Variants in CGAS observed in about 807,000 individuals in gnomAD.
The protein encoded by CGAS is 2'3'-cGAMP synthase.
CGAS carries 31 observed loss-of-function variants against 34.0 expected under a neutral mutation model. The ratio of observed to expected loss-of-function variants is 0.91; its 90% CI spans 0.69 to 1.23. CGAS has a LOEUF of 1.23. CGAS is among the 50% of genes most tolerant of loss of function. The probability of loss-of-function intolerance (pLI) is 0.00; values close to 1 mark genes in which losing one functional copy is unlikely to be tolerated. For synonymous variants in CGAS, 266 were observed against 260.0 expected, an observed-to-expected ratio of 1.02 and a Z score of -0.22; for missense variants, 597 against 657.6, an observed-to-expected ratio of 0.91 and a Z score of 1.01.
At chr6:73,430,751 T>C (rs555110336) in intron 3 of CGAS, among the ~76,000 whole-genome samples, 2 of 152,246 alleles carry the variant, frequency 1.3e-5, no homozygotes, top group South Asian at 2.1e-4. Flanking sequence ...TATTTTGATA[T>C]ATGGTAATAA....
At chr6:73,443,592 TC>T (rs923162613) in intron 2 of CGAS, among the ~76,000 whole-genome samples, 4 of 151,828 alleles carry the variant, frequency 2.6e-5, no homozygotes, top group Non-Finnish European at 2.9e-5. Flanking sequence ...CATTGCAACT[TC>T]CCCCCCACCT....
rs1770063243 is a variant in CGAS, at chr6:73,425,143, G to A, written c.*84C>T. The A allele has an allele frequency of 1.1e-5, 11 of 1,017,310 alleles. No homozygotes were observed. The East Asian group carries it at 2.9e-4, about 27-fold the overall frequency. The allele number at this position is 1,017,310 out of a possible 1,614,324, so 63.0% of individuals were successfully genotyped here. Reference sequence around the variant, plus strand: ...GCTGGGATTACAGGTGTGAGCCACAGCGTCTGGCCCCTTTTCAAATTTTTC... The same window carrying A: ...GCTGGGATTACAGGTGTGAGCCACAACGTCTGGCCCCTTTTCAAATTTTTC... On this transcript the variant is annotated 3_prime_UTR_variant, in exon 5 of 5. Coordinates refer to ENST00000370315, the MANE Select transcript of CGAS (RefSeq NM_138441.3).
chr6:73,425,578 C>A lies in CGAS; in HGVS notation c.1218G>T (p.Arg406Ser). ...ATTTCATTAGTTTTAAACAATCTTT[C>A]CTGTTGAATAAAAAAGGAAAACACT... The part of the protein sequence containing the change: ...CCENKEEKCC[R>S]KDCLKLMKYL... Residue 406 changes from arginine to serine, a missense_variant and splice_region_variant, in exon 5 of 5, where the codon AGG becomes AGT. Physicochemically the swap from Arg to Ser is moderately radical, Grantham distance 110. Transcript: ENST00000370315. 2 of 1,558,126 alleles carry A rather than the reference C, an allele frequency of 1.3e-6. No individual in the cohort carries two copies. The highest frequency in any genetic ancestry group is 2.1e-5 in the Admixed American group (1 of 46,776).
intron 2 of CGAS, 25 bp from the exon 3 acceptor site, chr6:73,440,470 AAAGT>A (rs763730346): frequency 1.9e-6 from 3 of 1,556,682 alleles, no homozygotes; most frequent in African/African-American, 2.8e-5. Flanking sequence ...AAAAGAAAAG[AAAGT>A]ATTTATTAAT....
rs1770378469 is a variant in CGAS at position 73,441,414 on chromosome 6, G to A, written c.878-969C>T. 4.6e-5 allele frequency among the ~76,000 whole-genome samples: 7 copies of A among 152,146 alleles called. No homozygotes were observed. The South Asian group carries it at 1.4e-3, about 32-fold the overall frequency. ...CAGAGGTAGTGAGCATCAAGACACG[G>A]GGAAGAAGTGAGAGCAACTAAAGAA... On this transcript the variant is annotated intron_variant, in intron 2 of 4. Transcript: ENST00000370315.
chr6:73,451,518 A>C lies in CGAS; in HGVS notation c.657+7T>G, dbSNP rs1351117778. ...GGGGCTCGGCGGGAGGGCGCCAAGCAGCTCACCTTCACGTGCTCATAGTAG... is the reference window on the plus strand; with the variant it reads ...GGGGCTCGGCGGGAGGGCGCCAAGCCGCTCACCTTCACGTGCTCATAGTAG... On this transcript the variant is annotated splice_region_variant and intron_variant, in intron 1 of 4. Coordinates refer to ENST00000370315, the MANE Select transcript of CGAS (RefSeq NM_138441.3). 6.5e-7 allele frequency: 1 copy of C among 1,538,420 alleles called. No homozygotes were observed. Among genetic ancestry groups the C allele is most frequent in the East Asian group, 2.5e-5 (1 of 40,556 alleles).
rs7761331 is a variant in CGAS, at chr6:73,443,264, G to A, written c.877+2264C>T. 2.5e-3 allele frequency among the ~76,000 whole-genome samples: 282 copies of A among 113,346 alleles called. 1 individual carries two copies. Among genetic ancestry groups the A allele is most frequent in the African/African-American group, 9.3e-3 (278 of 29,754 alleles). The allele number at this position is 113,346 out of a possible 152,430, so 74.4% of individuals were successfully genotyped here. ...TTTTTTTTTTTTTTTTTCTGAGACA[G>A]GGTCTCACTCTGTCGCCCAGGCTGG... On this transcript the variant is annotated intron_variant, in intron 2 of 4. Coordinates refer to ENST00000370315, the MANE Select transcript of CGAS (RefSeq NM_138441.3).
rs1455695313 is a variant in CGAS, at chr6:73,425,221, A to G, written c.*6T>C. ...CTAGTTCTTAGATCTTTCTAAAAAT[A>G]CAATCTCAAAATTCATCAAAAACTG... On this transcript the variant is annotated 3_prime_UTR_variant, in exon 5 of 5. Transcript: ENST00000370315. The G allele has an allele frequency of 2.6e-6, 4 of 1,544,680 alleles. No homozygotes were observed. The highest frequency in any genetic ancestry group is 1.4e-5 in the African/African-American group (1 of 72,124).
chr6:73,433,016 G>A (rs945719803), intron 3 of CGAS, among the ~76,000 whole-genome samples: 1 of 152,018 alleles, frequency 6.6e-6, no homozygotes, highest in Non-Finnish European at 1.5e-5. Flanking sequence ...CCCAGGAGGT[G>A]GAGGGTGCAG....
In CGAS at chr6:73,440,386, T is replaced by TA; in HGVS notation, c.936dup (p.Ser313Ter). 6.2e-7 allele frequency: 1 copy of TA among 1,614,202 alleles called. No individual in the cohort carries two copies. Among genetic ancestry groups the TA allele is most frequent in the Non-Finnish European group, 8.5e-7 (1 of 1,180,038 alleles). ...GTTATATCCACAGATATTTTTTCAC[T>TA]AATAAGAAGTGTTACAGCAGGGCTC... On this transcript the variant is annotated frameshift_variant, in exon 3 of 5. Coordinates refer to ENST00000370315, the MANE Select transcript of CGAS (RefSeq NM_138441.3). LOFTEE classifies it high-confidence loss of function.
chr6:73,431,885 G>C (rs1308282163), intron 3 of CGAS, among the ~76,000 whole-genome samples: 1 of 152,086 alleles, frequency 6.6e-6, no homozygotes, highest in Non-Finnish European at 1.5e-5. Flanking sequence ...ACCCAGGCTG[G>C]AGTGCGTGAA....
In CGAS at chr6:73,451,885, G is replaced by A. The variant is rs1194519918; in HGVS notation, c.297C>T (p.Ala99=). 4 of 1,538,250 alleles carry A rather than the reference G, an allele frequency of 2.6e-6. No homozygotes were observed. The highest frequency in any genetic ancestry group is 2.4e-5 in the South Asian group (2 of 83,718). ...QDTQPSDATS[A]PGAEGLEPPA... ...GAGGCTCCAGCCCCTCTGCCCCAGG[G>A]GCGCTGGTGGCGTCAGACGGCTGCG... Residue 99 remains alanine (A), a synonymous_variant, in exon 1 of 5, where the codon GCC becomes GCT. Transcript: ENST00000370315.
At position 73,445,859 on chromosome 6, in the gene CGAS, T is replaced by C; in HGVS notation, c.658-112A>G. 6 of 739,874 alleles carry C rather than the reference T, an allele frequency of 8.1e-6. No individual in the cohort carries two copies. In the South Asian group the frequency reaches 1.1e-4, roughly 14 times the overall value. 45.8% of individuals were successfully genotyped at this position (739,874 alleles called of 1,614,324 possible). On this transcript the variant is annotated intron_variant, in intron 1 of 4. Transcript: ENST00000370315. Reference sequence around the variant, plus strand: ...ACTTTACTTTAAAAAGCAAGATTCATAATGTCTATATATACCCTCTGGGAG... The same window carrying C: ...ACTTTACTTTAAAAAGCAAGATTCACAATGTCTATATATACCCTCTGGGAG...
rs973068779 is a variant in CGAS at position 73,452,252 on chromosome 6, C to T, written c.-71G>A. On this transcript the variant is annotated 5_prime_UTR_variant, in exon 1 of 5. Coordinates refer to ENST00000370315, the MANE Select transcript of CGAS (RefSeq NM_138441.3). ...AGGCCGCAAGAGGAAGAGCCAGCAG[C>T]AGCTGTTGGAAACCAAGCACTACTG... is the stretch of plus-strand genomic sequence containing the variant. 6.7e-7 allele frequency: 1 copy of T among 1,483,410 alleles called. No homozygotes were observed. The highest frequency in any genetic ancestry group is 1.3e-5 in the South Asian group (1 of 76,254). 91.9% of individuals were successfully genotyped at this position (1,483,410 alleles called of 1,614,324 possible).
At chr6:73,438,053 A>G (rs1770307791) in intron 3 of CGAS, among the ~76,000 whole-genome samples, 1 of 152,224 alleles carries the variant, frequency 6.6e-6, no homozygotes, top group Non-Finnish European at 1.5e-5. Context: ...TGGGCGACAC[A>G]GCGAGACTCT....
chr6:73,450,054 AGAGG>A (rs1380148519), intron 1 of CGAS, among the ~76,000 whole-genome samples: 1 of 151,094 alleles, frequency 6.6e-6, no homozygotes, highest in Non-Finnish European at 1.5e-5. Context: ...AGAGAGAGAG[AGAGG>A]AAGAGAGGGA....
intron 3 of CGAS, among the ~76,000 whole-genome samples, chr6:73,439,167 G>A (rs1770331505): frequency 1.3e-5 from 2 of 151,336 alleles, no homozygotes; most frequent in African/African-American, 4.9e-5. Context: ...TCCAATAGTA[G>A]TAGGTGCCAA....
At chr6:73,431,589 A>C (rs758711945) in intron 3 of CGAS, among the ~76,000 whole-genome samples, 2 of 152,332 alleles carry the variant, frequency 1.3e-5, no homozygotes, top group Non-Finnish European at 2.9e-5. Context: ...AGGAAAAATA[A>C]CCTGTTTCTT....
intron 4 of CGAS, among the ~76,000 whole-genome samples, chr6:73,426,523 T>C (rs1453463906): frequency 7.9e-6 from 1 of 126,918 alleles, no homozygotes; most frequent in Non-Finnish European, 1.6e-5. Flanking sequence ...ATTTATACTA[T>C]TTTTTTTTTT....
Sources: gnomAD v4.1 joint callset for allele counts (sites outside exome capture counted in the v4.1 genomes callset) on GRCh38, gnomAD v4.1.1 for gene constraint, MANE v1.5 for transcripts, NCBI Gene and HGNC (gene_info 2026-07-23, HGNC 2026-07-21) for gene names.